Variants in DPP6 observed in about 807,000 individuals in gnomAD.
The protein encoded by DPP6 is A-type potassium channel modulatory protein DPP6.
A neutral mutation model predicts 122.6 loss-of-function variants in DPP6; 69 were observed. The observed-to-expected ratio is 0.56, with a 90% CI of 0.46 to 0.69. The LOEUF is 0.69. DPP6 is among the 30% of genes least tolerant of loss of function. The pLI is 0.00. For synonymous variants in DPP6, 418 were observed against 433.1 expected (o/e 0.97, Z 0.43); for missense variants, 928 against 1,116.9 (o/e 0.83, Z 2.41).
intron 16 of DPP6, among the ~76,000 whole-genome samples, chr7:154,845,787 G>A (rs1442543931): frequency 1.3e-5 from 2 of 152,246 alleles, no homozygotes; most frequent in African/African-American, 2.4e-5. Context: ...CAGTTGGAGA[G>A]CAACTAGACA....
intron 19 of DPP6, among the ~76,000 whole-genome samples, chr7:154,873,852 CCACATGCACACACACCCACAGGCACA>C (rs1804602841): frequency 1.4e-5 from 2 of 141,422 alleles, no homozygotes; most frequent in Non-Finnish European, 1.5e-5. Flanking sequence ...ATATGCATAC[CCACATGCACACACACCCACAGGCACA>C]CACATGCACA....
At chr7:153,898,446 T>C (rs1004860907) in intron 1 of DPP6, among the ~76,000 whole-genome samples, 21 of 152,082 alleles carry the variant, frequency 1.4e-4, no homozygotes, top group African/African-American at 4.3e-4. Flanking sequence ...AGTGAGACCT[T>C]GTCTGTAAAA....
rs1196404831 is a variant in DPP6, at chr7:154,756,275, G to A, written c.884-13142G>A. On this transcript the variant is annotated intron_variant, in intron 8 of 25. Transcript: ENST00000377770. ...CGGCAGCGCCCCACACTTGGCTTTCGGATCATCTCGTGCTGGGCTCATCTT... is the reference window on the plus strand; with the variant it reads ...CGGCAGCGCCCCACACTTGGCTTTCAGATCATCTCGTGCTGGGCTCATCTT... Among the ~76,000 whole-genome samples, 13 of 152,154 alleles carry A rather than the reference G, an allele frequency of 8.5e-5. 1 individual carries two copies. The highest frequency in any genetic ancestry group is 4.6e-4 in the Admixed American group (7 of 15,280).
intron 1 of DPP6, among the ~76,000 whole-genome samples, chr7:154,032,072 G>A (rs1430611526): frequency 4.1e-5 from 6 of 147,864 alleles, no homozygotes; most frequent in African/African-American, 2.5e-5. Flanking sequence ...GGGTTTCACC[G>A]TGTTAGCCAG....
intron 6 of DPP6, among the ~76,000 whole-genome samples, chr7:154,666,258 G>A (rs1300138593): frequency 1.4e-5 from 2 of 146,796 alleles, no homozygotes; most frequent in African/African-American, 5.1e-5. Context: ...CTTGGGCTTT[G>A]TTAACTCTGA....
chr7:154,511,467 A>G (rs1368520905), intron 3 of DPP6, among the ~76,000 whole-genome samples: 1 of 152,218 alleles, frequency 6.6e-6, no homozygotes, highest in African/African-American at 2.4e-5. Flanking sequence ...TGCATTGGTG[A>G]TATTTTATTT....
intron 16 of DPP6, among the ~76,000 whole-genome samples, chr7:154,810,105 C>T (rs1265467426): frequency 6.6e-6 from 1 of 152,244 alleles, no homozygotes; most frequent in Non-Finnish European, 1.5e-5. Flanking sequence ...TTCCACCTGC[C>T]TTGGCCTCCC....
intron 1 of DPP6, among the ~76,000 whole-genome samples, chr7:154,417,121 G>A (rs953829994): frequency 7.2e-5 from 11 of 152,156 alleles, no homozygotes; most frequent in Non-Finnish European, 1.6e-4. Flanking sequence ...TCACCCAGGA[G>A]GTGAATGAAG....
intron 1 of DPP6, among the ~76,000 whole-genome samples, chr7:154,142,222 G>A (rs1288339841): frequency 1.3e-5 from 2 of 151,018 alleles, no homozygotes; most frequent in Admixed American, 6.6e-5. Flanking sequence ...TTAAATGCGA[G>A]AATATAAATG....
chr7:154,874,633 C>G (rs902641456), intron 19 of DPP6, among the ~76,000 whole-genome samples: 1 of 152,220 alleles, frequency 6.6e-6, no homozygotes, highest in Non-Finnish European at 1.5e-5. Flanking sequence ...GCCCGCTCCT[C>G]CTGCCCCCAC....
Position 154,807,074 on chromosome 7 carries a change from T to C in DPP6, c.1628T>C (p.Phe543Ser). ...AACTGCACCTACTTCAGCGCTTCCT[T>C]CAGCCATAGCATGGACTTCTTCCTG... ...VENCTYFSASFSHSMDFFLLK... is the reference protein window; with the variant it reads ...VENCTYFSASSSHSMDFFLLK... The change falls in exon 16 of 26, where the codon TTC (phenylalanine) becomes TCC (serine). Residue 543 changes from phenylalanine to serine, a missense_variant. Transcript: ENST00000377770. The C allele has an allele frequency of 6.2e-7, 1 of 1,613,750 alleles. No individual in the cohort carries two copies. Among genetic ancestry groups the C allele is most frequent in the Non-Finnish European group, 8.5e-7 (1 of 1,179,844 alleles).
intron 1 of DPP6, among the ~76,000 whole-genome samples, chr7:154,443,507 C>G (rs552112250): frequency 2.7e-5 from 4 of 146,252 alleles, no homozygotes; most frequent in African/African-American, 1.0e-4. Context: ...TTGACAGATA[C>G]ATGGATGGAT....
At chr7:154,873,596 T>C (rs1021378385) in intron 19 of DPP6, among the ~76,000 whole-genome samples, 1 of 152,168 alleles carries the variant, frequency 6.6e-6, no homozygotes, top group Non-Finnish European at 1.5e-5. Flanking sequence ...AGTCCCTAAA[T>C]AGCAAAAAGG....
intron 21 of DPP6, chr7:154,883,471 C>A (rs1805642655): frequency 6.7e-6 from 1 of 148,602 alleles, no homozygotes; most frequent in East Asian, 2.0e-4. Context: ...CACTTGTTCA[C>A]ACATACACAT....
At chr7:154,368,263 C>T (rs1812352379) in intron 1 of DPP6, among the ~76,000 whole-genome samples, 1 of 152,206 alleles carries the variant, frequency 6.6e-6, no homozygotes, top group African/African-American at 2.4e-5. Flanking sequence ...TACGAGCCTC[C>T]TGGCTCCCCA....
intron 21 of DPP6, among the ~76,000 whole-genome samples, chr7:154,882,781 G>T (rs1210927308): frequency 2.0e-5 from 3 of 152,178 alleles, no homozygotes; most frequent in Non-Finnish European, 4.4e-5. Flanking sequence ...GACAAGTAAG[G>T]ACGTGTGGAG....
At chr7:154,453,352 G>A (rs1033909634) in intron 2 of DPP6, among the ~76,000 whole-genome samples, 7 of 152,090 alleles carry the variant, frequency 4.6e-5, no homozygotes, top group South Asian at 2.1e-4. Context: ...CACAAGACTC[G>A]TCAGTCTTTT....
At chr7:153,941,762 C>G (rs909210516) in intron 1 of DPP6, among the ~76,000 whole-genome samples, 4 of 152,164 alleles carry the variant, frequency 2.6e-5, no homozygotes, top group Non-Finnish European at 5.9e-5. Flanking sequence ...GAAATGCAGT[C>G]CCAATCTTTT....
At chr7:154,603,700 ACT>A (rs1833497643) in intron 5 of DPP6, among the ~76,000 whole-genome samples, 1 of 106,030 alleles carries the variant, frequency 9.4e-6, no homozygotes, top group African/African-American at 2.9e-5. Context: ...CAGGCTCTGG[ACT>A]CTCTGTTCTT....
Sources: allele counts gnomAD v4.1 joint callset (sites outside exome capture counted in the v4.1 genomes callset), GRCh38; gene constraint gnomAD v4.1.1; transcripts MANE v1.5; gene names NCBI Gene and HGNC (gene_info 2026-07-23, HGNC 2026-07-21).